NAALADL2: variants seen among roughly 807,000 people sequenced by gnomAD.
NAALADL2 encodes the protein N-acetylated alpha-linked acidic dipeptidase like 2, also known as inactive N-acetylated-alpha-linked acidic dipeptidase-like protein 2.
Under a neutral mutation model 87.2 loss-of-function variants are expected in NAALADL2, and 76 were observed. The ratio of observed to expected loss-of-function variants is 0.87; its 90% CI spans 0.72 to 1.05. NAALADL2 has a LOEUF of 1.05. Among genes scored for constraint, NAALADL2 ranks in the 50% least tolerant of loss-of-function variants. The probability of loss-of-function intolerance (pLI) is 0.00; values close to 1 mark genes in which losing one functional copy is unlikely to be tolerated. For synonymous variants in NAALADL2, 354 were observed against 331.0 expected, an observed-to-expected ratio of 1.07 and a Z score of -0.75; for missense variants, 1,089 against 945.8, an observed-to-expected ratio of 1.15 and a Z score of -1.99.
intron 5 of NAALADL2, among the ~76,000 whole-genome samples, chr3:175,414,652 A>C (rs1714246697): frequency 1.3e-5 from 2 of 152,218 alleles, no homozygotes; most frequent in Non-Finnish European, 2.9e-5. Flanking sequence ...GTTATTCAAA[A>C]AGTGACTTTG....
chr3:174,441,537 T>A (rs534182872), intron 1 of NAALADL2, among the ~76,000 whole-genome samples: 1 of 152,076 alleles, frequency 6.6e-6, no homozygotes, highest in African/African-American at 2.4e-5. Context: ...CCCCCGCGCG[T>A]GGAATGCCGC....
rs573889572 is a variant in NAALADL2 at position 174,917,214 on chromosome 3, GA to G, written c.43+57772del. Among the ~76,000 whole-genome samples the G allele has an allele frequency of 1.0e-3, 156 of 151,690 alleles. 1 individual carries two copies. Among genetic ancestry groups the G allele is most frequent in the South Asian group, 6.7e-3 (32 of 4,804 alleles). Reference sequence around the variant, plus strand: ...TAACTGAATTTTCCCATAGTCAATTGAAAAAAAAGTTACTACAATGATCCTT... The same window carrying G: ...TAACTGAATTTTCCCATAGTCAATTGAAAAAAAGTTACTACAATGATCCTT... On this transcript the variant is annotated intron_variant, in intron 1 of 13. Coordinates refer to ENST00000454872, the MANE Select transcript of NAALADL2 (RefSeq NM_207015.3).
intron 5 of NAALADL2, among the ~76,000 whole-genome samples, chr3:175,334,735 T>G (rs1375139460): frequency 1.3e-5 from 2 of 152,156 alleles, no homozygotes; most frequent in Non-Finnish European, 2.9e-5. Flanking sequence ...TGAGAGCAAG[T>G]TTGGTTTGCA....
rs1048031945 is a variant in NAALADL2 at position 175,319,112 on chromosome 3, G to T, written c.940-5063G>T. On this transcript the variant is annotated intron_variant, in intron 4 of 13. Coordinates refer to ENST00000454872, the MANE Select transcript of NAALADL2 (RefSeq NM_207015.3). The stretch of plus-strand genomic sequence containing the variant: ...ATGGGTGGGGGTGAGGATTTGAAGA[G>T]TAAGTCTTAAATGCAGCTCTCTCAT... 2.0e-5 allele frequency among the ~76,000 whole-genome samples: 3 copies of T among 152,344 alleles called. No individual in the cohort carries two copies. In the South Asian group the frequency reaches 6.2e-4, roughly 32 times the overall value.
intron 1 of NAALADL2, among the ~76,000 whole-genome samples, chr3:174,905,507 T>C (rs1732857385): frequency 1.3e-5 from 2 of 152,020 alleles, no homozygotes; most frequent in Admixed American, 6.6e-5. Context: ...TATTTGTGGA[T>C]AAGTCTTTTT....
chr3:174,762,975 T>C (rs1438157904), intron 3 of NAALADL2, among the ~76,000 whole-genome samples: 2 of 152,130 alleles, frequency 1.3e-5, no homozygotes, highest in Non-Finnish European at 2.9e-5. Context: ...TGAAGCTTCT[T>C]GATGTAAGTG....
chr3:174,951,925 A>C (rs1400776776), intron 1 of NAALADL2, among the ~76,000 whole-genome samples: 8 of 152,112 alleles, frequency 5.3e-5, no homozygotes, highest in Non-Finnish European at 1.5e-5. Context: ...TATTCCAAGC[A>C]TACCAAGCTC....
intron 3 of NAALADL2, among the ~76,000 whole-genome samples, chr3:175,251,387 G>T (rs1375969831): frequency 6.6e-6 from 1 of 152,144 alleles, no homozygotes; most frequent in East Asian, 1.9e-4. Context: ...TGTAAAACAG[G>T]AACTAAGTCG....
chr3:175,559,375 T>C (rs964260856), intron 9 of NAALADL2, among the ~76,000 whole-genome samples: 4 of 152,134 alleles, frequency 2.6e-5, no homozygotes, highest in Non-Finnish European at 4.4e-5. Flanking sequence ...TATGATCATG[T>C]CATCTGCAAA....
intron 2 of NAALADL2, among the ~76,000 whole-genome samples, chr3:174,583,689 T>G (rs1302370321): frequency 6.6e-6 from 1 of 152,176 alleles, no homozygotes; most frequent in African/African-American, 2.4e-5. Flanking sequence ...TCTTTTCCTC[T>G]CCTTTAAAGC....
At chr3:175,258,357 A>G (rs1301035282) in intron 4 of NAALADL2, among the ~76,000 whole-genome samples, 1 of 150,336 alleles carries the variant, frequency 6.7e-6, no homozygotes, top group East Asian at 2.0e-4. Flanking sequence ...AGAAACAATC[A>G]GGCTTTCAAC....
intron 5 of NAALADL2, among the ~76,000 whole-genome samples, chr3:175,419,068 C>G (rs533753901): frequency 5.3e-4 from 80 of 151,136 alleles, no homozygotes; most frequent in African/African-American, 1.9e-3. Context: ...ATAGTGTACT[C>G]TAGCTCACAG....
At chr3:175,763,356 T>C (rs1178864007) in intron 13 of NAALADL2, among the ~76,000 whole-genome samples, 1 of 152,144 alleles carries the variant, frequency 6.6e-6, no homozygotes, top group Non-Finnish European at 1.5e-5. Context: ...TTTAAAAAAA[T>C]GCTTCTTCCT....
chr3:175,615,217 T>C (rs1725166559), intron 10 of NAALADL2, among the ~76,000 whole-genome samples: 1 of 152,206 alleles, frequency 6.6e-6, no homozygotes, highest in Non-Finnish European at 1.5e-5. Context: ...TAATGACCAC[T>C]GAATTAACTC....
intron 11 of NAALADL2, among the ~76,000 whole-genome samples, chr3:175,644,973 T>C (rs1174662323): frequency 6.6e-6 from 1 of 152,136 alleles, no homozygotes; most frequent in Non-Finnish European, 1.5e-5. Context: ...AAAATCCTAG[T>C]TTTACAGTTG....
intron 3 of NAALADL2, among the ~76,000 whole-genome samples, chr3:174,742,211 T>G (rs1395373216): frequency 6.6e-6 from 1 of 151,736 alleles, no homozygotes; most frequent in African/African-American, 2.4e-5. Context: ...TATTATGTGT[T>G]AAGATACTAT....
rs140005236 is a variant in NAALADL2, at chr3:175,284,368, C to G, written c.939+27838C>G. ...CCAGGAAACTGAATTTTTGGGGTAT[C>G]TTGAAATATTTCATTTTCTTATACT... On this transcript the variant is annotated intron_variant, in intron 4 of 13. Coordinates refer to ENST00000454872, the MANE Select transcript of NAALADL2 (RefSeq NM_207015.3). 3.4e-3 allele frequency among the ~76,000 whole-genome samples: 512 copies of G among 151,920 alleles called. 5 individuals are homozygous for G. The highest frequency in any genetic ancestry group is 0.012 in the African/African-American group (488 of 41,470).
At chr3:174,681,257 G>A (rs1275125516) in intron 2 of NAALADL2, among the ~76,000 whole-genome samples, 1 of 152,138 alleles carries the variant, frequency 6.6e-6, no homozygotes, top group African/African-American at 2.4e-5. Flanking sequence ...TCAAAAGGTA[G>A]TCTAAGCTGC....
chr3:175,449,394 C>CTTTTTTTTTTTT (rs1185888984), intron 6 of NAALADL2, among the ~76,000 whole-genome samples: 4 of 48,564 alleles, frequency 8.2e-5, no homozygotes, highest in South Asian at 1.9e-3. Context: ...TAATTTTCTT[C>CTTTTTTTTTTTT]TTTTTTTTTT....
Sources: allele counts gnomAD v4.1 joint callset (sites outside exome capture counted in the v4.1 genomes callset), GRCh38; gene constraint gnomAD v4.1.1; transcripts MANE v1.5; gene names NCBI Gene and HGNC (gene_info 2026-07-23, HGNC 2026-07-21).